CEP44: variants seen among roughly 807,000 people sequenced by gnomAD.
The protein encoded by CEP44 is centrosomal protein 44, also known as centrosomal protein of 44 kDa.
CEP44 carries 45 observed loss-of-function variants against 46.7 expected under a neutral mutation model. The ratio of observed to expected loss-of-function variants is 0.96; its 90% CI spans 0.76 to 1.24. The LOEUF is 1.24. Among genes scored for constraint, CEP44 ranks in the 50% most tolerant of loss-of-function variants. The pLI is 0.00. For synonymous variants in CEP44, 142 were observed against 146.0 expected (o/e 0.97, Z 0.20); for missense variants, 475 against 459.7 (o/e 1.03, Z -0.30).
chr4:174,330,359 C>T (rs1047086593), intron 8 of CEP44, among the ~76,000 whole-genome samples: 9 of 151,880 alleles, frequency 5.9e-5, no homozygotes, highest in South Asian at 2.1e-4. Context: ...CATGGTGGCG[C>T]GTGCCTGTAA....
At position 174,290,052 on chromosome 4, in the gene CEP44, C is replaced by T. The variant is rs1355562791; in HGVS notation, c.-148+6109C>T. Among the ~76,000 whole-genome samples, 5 of 152,070 alleles carry T rather than the reference C, an allele frequency of 3.3e-5. No homozygotes were observed. Among genetic ancestry groups the T allele is most frequent in the South Asian group, 2.1e-4 (1 of 4,826 alleles). On this transcript the variant is annotated intron_variant, in intron 1 of 11. Transcript: ENST00000503780. The surrounding 1 kb of genome is among the most constrained non-coding windows in gnomAD (Gnocchi z 4.3). ...TGTATTTTTTGTAGAGATGGGGTTT[C>T]ACCATGTTAGCCAGGATGGTCTCAA...
rs113037335 is a variant in CEP44, at chr4:174,311,148, T to C, written c.961+290T>C. Among the ~76,000 whole-genome samples, 505 of 152,144 alleles carry C rather than the reference T, an allele frequency of 3.3e-3. 3 individuals carry two copies. The highest frequency in any genetic ancestry group is 0.011 in the African/African-American group (476 of 41,570). On this transcript the variant is annotated intron_variant, in intron 9 of 11. Coordinates refer to ENST00000503780, the MANE Select transcript of CEP44 (RefSeq NM_001040157.3). The surrounding 1 kb of genome is among the most constrained non-coding windows in gnomAD (Gnocchi z 4.4). ...AATCAAGTGCTCTAGGATATTAATG[T>C]TGGCCTCCAAGTTTTTAAATTTAAG...
chr4:174,321,125 T>A (rs1424580982), downstream of CEP44, among the ~76,000 whole-genome samples: 4 of 152,274 alleles, frequency 2.6e-5, no homozygotes, highest in East Asian at 7.7e-4. Flanking sequence ...CAAGCCCTGC[T>A]CTTGACCTAC....
At position 174,301,812 on chromosome 4, in the gene CEP44, G is replaced by A. The variant is rs920230811; in HGVS notation, c.90-227G>A. ...AAATAGTTGGTACTAGAGACCTATA[G>A]TAAGTTTTTTGAGCAGACGAACAGT... On this transcript the variant is annotated intron_variant, in intron 3 of 11. Coordinates refer to ENST00000503780, the MANE Select transcript of CEP44 (RefSeq NM_001040157.3). The surrounding 1 kb of genome is among the most constrained non-coding windows in gnomAD (Gnocchi z 4.3). Among the ~76,000 whole-genome samples the A allele has an allele frequency of 6.6e-6, 1 of 152,130 alleles. No homozygotes were observed. Among genetic ancestry groups the A allele is most frequent in the Admixed American group, 6.6e-5 (1 of 15,264 alleles).
rs757575110 is a variant in CEP44, at chr4:174,284,307, A to G, written c.-148+364A>G. 126 of 368,514 alleles carry G rather than the reference A, an allele frequency of 3.4e-4. 1 individual carries two copies. The highest frequency in any genetic ancestry group is 2.4e-4 in the East Asian group (6 of 25,404). 22.8% of individuals were successfully genotyped at this position (368,514 alleles called of 1,614,324 possible). ...CCTTGCTTATATACCCAACTAGTAT[A>G]TGCTTTTAGTCACAACGAAGTGGGA... On this transcript the variant is annotated intron_variant, in intron 1 of 11. Transcript: ENST00000503780.
In CEP44 at chr4:174,331,769, CTTAG is replaced by C; in HGVS notation, c.*177_*180del. ...TTTCCTTCCTGCTACATGGGTAACA[CTTAG>C]TTGTTTGTCTAATTTCTATTTTCCA... On this transcript the variant is annotated 3_prime_UTR_variant, in exon 9 of 9. Transcript: ENST00000426172. The surrounding 1 kb of genome is among the most constrained non-coding windows in gnomAD (Gnocchi z 4.5). 1.4e-6 allele frequency: 1 copy of C among 736,700 alleles called. No individual in the cohort carries two copies. The highest frequency in any genetic ancestry group is 2.0e-6 in the Non-Finnish European group (1 of 509,334). The allele number at this position is 736,700 out of a possible 1,614,324, so 45.6% of individuals were successfully genotyped here.
In CEP44 at chr4:174,297,032, T is replaced by G. The variant is rs1739111904; in HGVS notation, c.-147-934T>G. 6.6e-6 allele frequency among the ~76,000 whole-genome samples: 1 copy of G among 152,032 alleles called. No individual in the cohort carries two copies. The highest frequency in any genetic ancestry group is 2.1e-4 in the South Asian group (1 of 4,834). On this transcript the variant is annotated intron_variant, in intron 1 of 11. Transcript: ENST00000503780. This position sits in a 1 kb window ranked among gnomAD's most constrained non-coding sequence, Gnocchi z 4.3. ...CTGCTGTCTGAGATTATTATAACTGTTCCTGCTTTCTTTTGATTAATGTTA... is the reference window on the plus strand; with the variant it reads ...CTGCTGTCTGAGATTATTATAACTGGTCCTGCTTTCTTTTGATTAATGTTA...
At chr4:174,295,056 G>C (rs1472585133) in intron 1 of CEP44, among the ~76,000 whole-genome samples, 1 of 144,110 alleles carries the variant, frequency 6.9e-6, no homozygotes, top group Non-Finnish European at 1.5e-5. Flanking sequence ...CCTCCCGGAC[G>C]GGGCGGCTGG....
chr4:174,302,279 A>T, intron 4 of CEP44, 93 bp downstream of exon 4: 1 of 744,744 alleles, frequency 1.3e-6, no homozygotes, highest in Non-Finnish European at 2.2e-6. Flanking sequence ...TATGCAGCAT[A>T]TACAATTGAC....
chr4:174,295,135 C>T (rs1738803762), intron 1 of CEP44, among the ~76,000 whole-genome samples: 1 of 151,770 alleles, frequency 6.6e-6, no homozygotes, highest in Non-Finnish European at 1.5e-5. Context: ...GGCTGACCCT[C>T]ACCTCCCTCC....
At chr4:174,313,162 G>A (rs990564592) in intron 9 of CEP44, among the ~76,000 whole-genome samples, 6 of 137,720 alleles carry the variant, frequency 4.4e-5, no homozygotes, top group African/African-American at 1.8e-4. Flanking sequence ...TGGTGCCCTT[G>A]TTTTGTCTAT....
chr4:174,295,301 C>A (rs1462563662), intron 1 of CEP44, among the ~76,000 whole-genome samples: 6 of 151,564 alleles, frequency 4.0e-5, no homozygotes, highest in African/African-American at 1.5e-4. Flanking sequence ...CTCCTCACCT[C>A]CCAGACGGGG....
chr4:174,285,722 G>A (rs1443160306), intron 1 of CEP44: 2 of 152,190 alleles, frequency 1.3e-5, no homozygotes, highest in Admixed American at 1.3e-4. Context: ...GAAGAATTGT[G>A]TTACGATAGA....
Position 174,310,034 on chromosome 4 carries a change from C to T in CEP44, c.863C>T (p.Thr288Ile). The stretch of plus-strand genomic sequence containing the variant: ...CTTAGTCGTGTCACTCTTCTTGAAA[C>T]AGAAATGCTTTTGTCTAAAAAGGTA... Reference protein sequence around the residue: ...NLLSRVTLLETEMLLSKKNDE... With the variant: ...NLLSRVTLLEIEMLLSKKNDE... The change falls in exon 8 of 12, where the codon ACA (threonine) becomes ATA (isoleucine). Residue 288 changes from threonine to isoleucine, a missense_variant. Thr to Ile is a moderately conservative substitution (Grantham distance 89). Coordinates refer to ENST00000503780, the MANE Select transcript of CEP44 (RefSeq NM_001040157.3). The surrounding 1 kb of genome is among the most constrained non-coding windows in gnomAD (Gnocchi z 4.2). The T allele has an allele frequency of 6.2e-7, 1 of 1,611,450 alleles. No individual in the cohort carries two copies. The highest frequency in any genetic ancestry group is 8.5e-7 in the Non-Finnish European group (1 of 1,178,598).
At chr4:174,284,856 A>G (rs1163234212) in intron 1 of CEP44, among the ~76,000 whole-genome samples, 3 of 152,158 alleles carry the variant, frequency 2.0e-5, no homozygotes, top group African/African-American at 7.2e-5. Flanking sequence ...AATATCGAGC[A>G]TTATGTGCTA....
In CEP44 at chr4:174,289,608, TTTTG is replaced by T. The variant is rs1318403654; in HGVS notation, c.-148+5670_-148+5673del. On this transcript the variant is annotated intron_variant, in intron 1 of 11. Transcript: ENST00000503780. ...CAATTGTGTCCTCTTTCATTTCTGATTTTGTTTGAGTCTTCTATTTTTAAAGTCT... is the reference window on the plus strand; with the variant it reads ...CAATTGTGTCCTCTTTCATTTCTGATTTTGAGTCTTCTATTTTTAAAGTCT... Among the ~76,000 whole-genome samples the T allele has an allele frequency of 2.0e-5, 3 of 152,180 alleles. No individual in the cohort carries two copies. The East Asian group carries it at 5.8e-4, about 29-fold the overall frequency.
At chr4:174,322,106 C>A (rs560757552), downstream of CEP44, among the ~76,000 whole-genome samples, 115 of 152,228 alleles carry the variant, frequency 7.6e-4, no homozygotes, top group African/African-American at 2.6e-3. Flanking sequence ...AAATGAAGAT[C>A]AGTAACAAAC....
At position 174,317,779 on chromosome 4, in the gene CEP44, G is replaced by T; in HGVS notation, c.*396G>T. 4.1e-6 allele frequency: 4 copies of T among 986,948 alleles called. No homozygotes were observed. Among genetic ancestry groups the T allele is most frequent in the Non-Finnish European group, 4.8e-6 (4 of 830,732 alleles). 61.1% of individuals were successfully genotyped at this position (986,948 alleles called of 1,614,324 possible). A position where few individuals can be genotyped will look rare whatever the true frequency, so the allele number is the denominator to read the frequency against. On this transcript the variant is annotated 3_prime_UTR_variant, in exon 12 of 12. Transcript: ENST00000503780. ...AATGGGACTTGTGTATTATACCCAG[G>T]AGGCTCTCATATATACCATCTTGGC... is the stretch of plus-strand genomic sequence containing the variant.
In CEP44 at chr4:174,317,427, A is replaced by G. The variant is rs773690904; in HGVS notation, c.*44A>G. 3 of 1,340,140 alleles carry G rather than the reference A, an allele frequency of 2.2e-6. No individual in the cohort carries two copies. The highest frequency in any genetic ancestry group is 2.0e-6 in the Non-Finnish European group (2 of 1,019,486). 83.0% of individuals were successfully genotyped at this position (1,340,140 alleles called of 1,614,324 possible). ...TTTTCTAGGACTTTGGTTACTATAC[A>G]TATTGTATATTTTAAGAATTCTTTA... On this transcript the variant is annotated 3_prime_UTR_variant, in exon 12 of 12. Transcript: ENST00000503780.
Sources: gnomAD v4.1 joint callset for allele counts (sites outside exome capture counted in the v4.1 genomes callset) on GRCh38, gnomAD v4.1.1 for gene constraint, Gnocchi (gnomAD v3.1) non-coding constraint, MANE v1.5 for transcripts, NCBI Gene and HGNC (gene_info 2026-07-23, HGNC 2026-07-21) for gene names.